The following FHIT variants were observed in gnomAD, a reference collection of about 807,000 sequenced individuals.
FHIT encodes the protein fragile histidine triad diadenosine triphosphatase.
Under a neutral mutation model 17.9 loss-of-function variants are expected in FHIT, and 19 were observed. The ratio of observed to expected loss-of-function variants is 1.06; its 90% CI spans 0.74 to 1.56. FHIT has a LOEUF of 1.56. Ranked by LOEUF, FHIT falls within the 40% of genes most tolerant of loss-of-function variation. FHIT has a pLI of 0.00. For missense variants in FHIT, 248 were observed against 189.2 expected (o/e 1.31, Z -1.82); for synonymous variants, 81 against 69.7 (o/e 1.16, Z -0.81).
At chr3:59,769,934 T>G (rs1701994691) in intron 8 of FHIT, among the ~76,000 whole-genome samples, 1 of 152,334 alleles carries the variant, frequency 6.6e-6, no homozygotes, top group East Asian at 1.9e-4. Context: ...GAAATGACAG[T>G]AGAAGGAATT....
intron 4 of FHIT, among the ~76,000 whole-genome samples, chr3:60,604,073 A>C (rs1384354149): frequency 8.5e-5 from 13 of 152,202 alleles, no homozygotes; most frequent in African/African-American, 3.1e-4. Context: ...ATTCTTCAGT[A>C]GGAAGTACTT....
chr3:60,314,596 C>T (rs2106775830), intron 5 of FHIT, among the ~76,000 whole-genome samples: 1 of 152,254 alleles, frequency 6.6e-6, no homozygotes, highest in Middle Eastern at 3.4e-3. Context: ...AGGCTCCCTA[C>T]CCATAAGGAA....
At chr3:60,403,197 A>AT (rs1224585238) in intron 5 of FHIT, among the ~76,000 whole-genome samples, 4 of 152,234 alleles carry the variant, frequency 2.6e-5, no homozygotes, top group African/African-American at 9.6e-5. Context: ...AGAAAGCAGA[A>AT]TTTTAACAAC....
chr3:60,531,209 G>A (rs1404355844), intron 5 of FHIT, among the ~76,000 whole-genome samples: 1 of 151,366 alleles, frequency 6.6e-6, no homozygotes, highest in Non-Finnish European at 1.5e-5. Context: ...CCTATCTTTA[G>A]CTATAAAGAT....
chr3:59,842,708 C>T (rs1265859250), intron 8 of FHIT, among the ~76,000 whole-genome samples: 1 of 152,142 alleles, frequency 6.6e-6, no homozygotes, highest in Non-Finnish European at 1.5e-5. Flanking sequence ...TGTACATCTT[C>T]TCTGGAGAAG....
In FHIT at chr3:60,090,311, C is replaced by A. The variant is rs529464185; in HGVS notation, c.104-76159G>T. ...AAACTGTCATTCCTCTCTTCATACCCATCACTGGAGAAATTACTTTTCAGA... is the reference window on the plus strand; with the variant it reads ...AAACTGTCATTCCTCTCTTCATACCAATCACTGGAGAAATTACTTTTCAGA... On this transcript the variant is annotated intron_variant, in intron 5 of 9. Coordinates refer to ENST00000492590, the MANE Select transcript of FHIT (RefSeq NM_002012.4). Among the ~76,000 whole-genome samples the A allele has an allele frequency of 1.1e-4, 16 of 152,278 alleles. No individual in the cohort carries two copies. In the South Asian group the frequency reaches 1.7e-3, roughly 16 times the overall value.
At chr3:60,492,238 A>G (rs1212009874) in intron 5 of FHIT, among the ~76,000 whole-genome samples, 2 of 152,216 alleles carry the variant, frequency 1.3e-5, no homozygotes, top group African/African-American at 4.8e-5. Flanking sequence ...ACATAACTGC[A>G]AGACAACAGT....
chr3:60,338,666 T>C (rs926266050), intron 5 of FHIT, among the ~76,000 whole-genome samples: 2 of 152,216 alleles, frequency 1.3e-5, no homozygotes, highest in African/African-American at 4.8e-5. Flanking sequence ...CTGAGAAAGA[T>C]AGAGCACATG....
At chr3:60,167,075 G>A (rs1296935977) in intron 5 of FHIT, among the ~76,000 whole-genome samples, 1 of 152,112 alleles carries the variant, frequency 6.6e-6, no homozygotes, top group Non-Finnish European at 1.5e-5. Flanking sequence ...ACATGAAGGA[G>A]TCTTCACTTT....
At chr3:60,576,981 G>A (rs1340347774) in intron 4 of FHIT, among the ~76,000 whole-genome samples, 1 of 81,000 alleles carries the variant, frequency 1.2e-5, no homozygotes, top group African/African-American at 4.3e-5. Context: ...CACACACACA[G>A]GTCTCATCCA....
rs1440917394 is a variant in FHIT at position 60,071,600 on chromosome 3, T to A, written c.104-57448A>T. Reference sequence around the variant, plus strand: ...TGTATAGCATCTCTGGAATAAGACTTGTTGAATGTCTATCTGTTTATGACC... The same window carrying A: ...TGTATAGCATCTCTGGAATAAGACTAGTTGAATGTCTATCTGTTTATGACC... On this transcript the variant is annotated intron_variant, in intron 5 of 9. Transcript: ENST00000492590. 2.0e-5 allele frequency among the ~76,000 whole-genome samples: 3 copies of A among 152,132 alleles called. No homozygotes were observed. In the South Asian group the frequency reaches 6.2e-4, roughly 31 times the overall value.
At chr3:60,340,855 C>T (rs1576502301) in intron 5 of FHIT, among the ~76,000 whole-genome samples, 1 of 151,978 alleles carries the variant, frequency 6.6e-6, no homozygotes, top group African/African-American at 2.4e-5. Flanking sequence ...CCATGCCTGG[C>T]TAATTTTTGT....
intron 5 of FHIT, among the ~76,000 whole-genome samples, chr3:60,344,907 T>C (rs1317709983): frequency 6.6e-6 from 1 of 152,202 alleles, no homozygotes; most frequent in East Asian, 1.9e-4. Flanking sequence ...AGACATAGAA[T>C]GATATAATGA....
At chr3:59,819,186 C>A (rs1158942306) in intron 8 of FHIT, among the ~76,000 whole-genome samples, 1 of 152,184 alleles carries the variant, frequency 6.6e-6, no homozygotes, top group Non-Finnish European at 1.5e-5. Context: ...AGAAACCGTT[C>A]TTTTCTTACA....
rs191181275 is a variant in FHIT at position 60,000,995 on chromosome 3, G to A, written c.279+10376C>T. ...TTCTCCAGCTCTTCGCTGGCTAGGC[G>A]CCTGTCGTTCCCTGTTCTGGGTTTA... On this transcript the variant is annotated intron_variant, in intron 7 of 9. Coordinates refer to ENST00000492590, the MANE Select transcript of FHIT (RefSeq NM_002012.4). 6.6e-5 allele frequency among the ~76,000 whole-genome samples: 10 copies of A among 152,198 alleles called. No individual in the cohort carries two copies. In the East Asian group the frequency reaches 1.2e-3, roughly 18 times the overall value.
At chr3:60,575,064 A>G (rs1553657081) in intron 4 of FHIT, among the ~76,000 whole-genome samples, 3 of 152,164 alleles carry the variant, frequency 2.0e-5, no homozygotes, top group African/African-American at 7.2e-5. Flanking sequence ...AAACATTTTT[A>G]AAATCAGTCT....
chr3:60,301,737 C>A (rs1193523197), intron 5 of FHIT, among the ~76,000 whole-genome samples: 1 of 152,058 alleles, frequency 6.6e-6, no homozygotes, highest in Non-Finnish European at 1.5e-5. Flanking sequence ...AAATTTTACA[C>A]CTAATTTTAA....
chr3:60,040,917 C>T (rs542044909), intron 5 of FHIT, among the ~76,000 whole-genome samples: 10 of 152,022 alleles, frequency 6.6e-5, no homozygotes, highest in Non-Finnish European at 1.3e-4. Context: ...GGGGGTAAAC[C>T]ACCTGGGGCC....
chr3:60,120,319 C>T (rs1705190515), intron 5 of FHIT, among the ~76,000 whole-genome samples: 1 of 152,176 alleles, frequency 6.6e-6, no homozygotes, highest in African/African-American at 2.4e-5. Context: ...ATTTGCTAAG[C>T]ATGAAATCTT....
Sources: gnomAD v4.1 joint callset for allele counts (sites outside exome capture counted in the v4.1 genomes callset) on GRCh38, gnomAD v4.1.1 for gene constraint, MANE v1.5 for transcripts, NCBI Gene and HGNC (gene_info 2026-07-23, HGNC 2026-07-21) for gene names.